The following ABCA13 variants were observed in gnomAD, a reference collection of about 807,000 sequenced individuals.
The protein encoded by ABCA13 is ATP binding cassette subfamily A member 13.
A neutral mutation model predicts 478.7 loss-of-function variants in ABCA13; 476 were observed. The ratio of observed to expected loss-of-function variants is 0.99; its 90% CI spans 0.92 to 1.07. ABCA13 has a LOEUF of 1.07. Among genes scored for constraint, ABCA13 ranks in the 50% least tolerant of loss-of-function variants. ABCA13 has a pLI of 0.00. For synonymous variants in ABCA13, 2,252 were observed against 2,158.9 expected (o/e 1.04, Z -1.20); for missense variants, 6,060 against 5,910.6 (o/e 1.03, Z -0.83).
intron 1 of ABCA13, among the ~76,000 whole-genome samples, chr7:48,184,852 T>C (rs995357590): frequency 2.0e-5 from 3 of 152,172 alleles, no homozygotes; most frequent in African/African-American, 7.2e-5. Context: ...TCACTTTTTA[T>C]TGAGACAGGA....
chr7:48,635,863 C>T (rs1794589663), intron 59 of ABCA13, among the ~76,000 whole-genome samples: 1 of 152,160 alleles, frequency 6.6e-6, no homozygotes, highest in Non-Finnish European at 1.5e-5. Context: ...TTTTATCTTG[C>T]TGTATACAGA....
chr7:48,640,706 A>G (rs1295718551), intron 59 of ABCA13, among the ~76,000 whole-genome samples: 1 of 152,222 alleles, frequency 6.6e-6, no homozygotes, highest in Non-Finnish European at 1.5e-5. Context: ...AATTTAGATT[A>G]TTGACATAAC....
intron 45 of ABCA13, among the ~76,000 whole-genome samples, chr7:48,475,176 A>C (rs1236843198): frequency 6.6e-6 from 1 of 152,136 alleles, no homozygotes; most frequent in Non-Finnish European, 1.5e-5. Context: ...GAAATGTTGG[A>C]CCACACGTTA....
At chr7:48,212,849 A>G (rs1208076479) in intron 3 of ABCA13, among the ~76,000 whole-genome samples, 1 of 152,078 alleles carries the variant, frequency 6.6e-6, no homozygotes, top group African/African-American at 2.4e-5. Flanking sequence ...ATATGTATAC[A>G]TATTATACAT....
At chr7:48,346,287 T>C (rs1225611965) in intron 29 of ABCA13, among the ~76,000 whole-genome samples, 1 of 152,226 alleles carries the variant, frequency 6.6e-6, no homozygotes, top group African/African-American at 2.4e-5. Flanking sequence ...CCAGTTCTGC[T>C]ACTGGAAGAT....
chr7:48,604,105 A>G (rs1357478778), intron 58 of ABCA13, among the ~76,000 whole-genome samples: 1 of 151,902 alleles, frequency 6.6e-6, no homozygotes, highest in African/African-American at 2.4e-5. Flanking sequence ...TATTGCATCT[A>G]TTTGATTCTT....
chr7:48,472,550 A>T (rs1421641936), intron 45 of ABCA13, among the ~76,000 whole-genome samples: 1 of 152,220 alleles, frequency 6.6e-6, no homozygotes. Flanking sequence ...AAGGAAGTCA[A>T]GGATGTGGAC....
Position 48,301,145 on chromosome 7 carries a change from G to A in ABCA13, c.9321+2658G>A, listed in dbSNP as rs116210485. Among the ~76,000 whole-genome samples the A allele has an allele frequency of 5.6e-3, 844 of 151,968 alleles. 8 individuals are homozygous for A. Among genetic ancestry groups the A allele is most frequent in the African/African-American group, 0.019 (801 of 41,552 alleles). ...TCCTCAGTGGATTCATTCTCCCCGC[G>A]CCACAAATCTTAAGGAGGAAGGGAG... On this transcript the variant is annotated intron_variant, in intron 23 of 61. Coordinates refer to ENST00000435803, the MANE Select transcript of ABCA13 (RefSeq NM_152701.5).
chr7:48,390,355 G>C (rs896701197), intron 37 of ABCA13, among the ~76,000 whole-genome samples: 41 of 152,086 alleles, frequency 2.7e-4, no homozygotes, highest in Non-Finnish European at 1.8e-4. Flanking sequence ...AGTCAAAGAC[G>C]GGGGGGTCTT....
intron 31 of ABCA13, among the ~76,000 whole-genome samples, chr7:48,356,306 G>T (rs1369217766): frequency 2.0e-5 from 3 of 151,922 alleles, no homozygotes; most frequent in Non-Finnish European, 4.4e-5. Context: ...GACTTGGAGG[G>T]GTAGAATTGG....
At chr7:48,265,462 T>A (rs1238549820) in intron 15 of ABCA13, among the ~76,000 whole-genome samples, 2 of 151,604 alleles carry the variant, frequency 1.3e-5, no homozygotes, top group African/African-American at 2.4e-5. Flanking sequence ...CCTTAACAAA[T>A]CCTGTTGTGT....
At chr7:48,300,526 G>T (rs892794191) in intron 23 of ABCA13, among the ~76,000 whole-genome samples, 1 of 152,200 alleles carries the variant, frequency 6.6e-6, no homozygotes, top group Non-Finnish European at 1.5e-5. Flanking sequence ...TCCCTGAATC[G>T]GTGAAGATGG....
In ABCA13 at chr7:48,275,080, T is replaced by C. The variant is rs760952631; in HGVS notation, c.5414T>C (p.Val1805Ala). ...ATTCTTTTGGATACAATTGAATTAGTATCAGATAAGCCAGATATTATTTCA... is the reference window on the plus strand; with the variant it reads ...ATTCTTTTGGATACAATTGAATTAGCATCAGATAAGCCAGATATTATTTCA... Reference protein sequence around the residue: ...IKILLDTIELVSDKPDIISEA... With the variant: ...IKILLDTIELASDKPDIISEA... The change falls in exon 17 of 62, where the codon GTA becomes GCA. Residue 1805 changes from valine to alanine, a missense_variant. Physicochemically the swap from Val to Ala is moderately conservative, Grantham distance 64. This residue lies in a region of ABCA13 where 4,423 missense variants were observed against 4,309.1 expected (regional missense o/e 1.03). Transcript: ENST00000435803. 6.2e-7 allele frequency: 1 copy of C among 1,613,218 alleles called. No individual in the cohort carries two copies. The highest frequency in any genetic ancestry group is 8.5e-7 in the Non-Finnish European group (1 of 1,179,542).
chr7:48,273,443 C>T lies in ABCA13; in HGVS notation c.3777C>T (p.Thr1259=). 1 of 1,612,680 alleles carries T rather than the reference C, an allele frequency of 6.2e-7. No homozygotes were observed. Among genetic ancestry groups the T allele is most frequent in the Non-Finnish European group, 8.5e-7 (1 of 1,179,286 alleles). The change falls in exon 17 of 62, where the codon ACC becomes ACT. Residue 1259 remains threonine (T), a synonymous_variant. Coordinates refer to ENST00000435803, the MANE Select transcript of ABCA13 (RefSeq NM_152701.5). ...NLEQVEKSLF[T]MEAALHQLKT... ...AGCAAGTGGAGAAATCCCTTTTCAC[C>T]ATGGAAGCTGCCCTGCATCAGTTGA...
At chr7:48,192,889 T>A (rs1274474776) in intron 1 of ABCA13, 70 bp from the exon 2 acceptor site, 4 of 1,240,544 alleles carry the variant, frequency 3.2e-6, no homozygotes, top group Non-Finnish European at 4.4e-6. Flanking sequence ...ATGACCTCCT[T>A]CAAGAGATGA....
At chr7:48,246,322 G>A (rs1791669273) in intron 13 of ABCA13, among the ~76,000 whole-genome samples, 2 of 149,852 alleles carry the variant, frequency 1.3e-5, no homozygotes, top group Admixed American at 6.6e-5. Context: ...CTTCATTCTT[G>A]GCTGCACATG....
At chr7:48,438,448 A>T (rs7790171) in intron 42 of ABCA13, among the ~76,000 whole-genome samples, 45,178 of 151,748 alleles carry the variant, frequency 0.3, 6,810 homozygotes, top group East Asian at 0.38. Flanking sequence ...CTTCCTAATC[A>T]GACATCTTGC....
At chr7:48,580,519 T>C in intron 56 of ABCA13, 145 bp downstream of exon 56, 1 of 691,180 alleles carries the variant, frequency 1.4e-6, no homozygotes, top group South Asian at 2.4e-5. Flanking sequence ...TTTTCTAATA[T>C]GATTATACTG....
intron 5 of ABCA13, among the ~76,000 whole-genome samples, chr7:48,222,902 C>T (rs540945062): frequency 8.5e-4 from 130 of 152,116 alleles, no homozygotes; most frequent in African/African-American, 3.0e-3. Flanking sequence ...GTAGCCAGAG[C>T]GGAAGTGGGA....
Sources: gnomAD v4.1 joint callset for allele counts (sites outside exome capture counted in the v4.1 genomes callset) on GRCh38, gnomAD v4.1.1 for gene constraint, gnomAD v4.1.1 regional missense constraint, MANE v1.5 for transcripts, NCBI Gene and HGNC (gene_info 2026-07-23, HGNC 2026-07-21) for gene names.